The following KCNMB2 variants were observed in gnomAD, a reference collection of about 807,000 sequenced individuals.
KCNMB2 encodes the protein calcium-activated potassium channel subunit beta-2.
A neutral mutation model predicts 24.5 loss-of-function variants in KCNMB2; 9 were observed. That is an observed-to-expected ratio of 0.37 (90% CI 0.22 to 0.64). KCNMB2 has a LOEUF of 0.64. Among genes scored for constraint, KCNMB2 ranks in the 30% least tolerant of loss-of-function variants. KCNMB2 has a pLI of 0.63. For missense variants in KCNMB2, 226 were observed against 284.3 expected (o/e 0.79, Z 1.47); for synonymous variants, 109 against 104.4 (o/e 1.04, Z -0.27).
intron 1 of KCNMB2, among the ~76,000 whole-genome samples, chr3:178,595,963 G>A (rs1472117999): frequency 6.6e-6 from 1 of 151,972 alleles, no homozygotes; most frequent in Admixed American, 6.6e-5. Context: ...ACACCCTCAG[G>A]CAGGGGATCT....
chr3:178,599,711 C>T (rs761744732), intron 1 of KCNMB2, among the ~76,000 whole-genome samples: 9 of 152,048 alleles, frequency 5.9e-5, no homozygotes, highest in Non-Finnish European at 1.2e-4. Context: ...TTTCCAAAAC[C>T]TTTTCCTCTT....
chr3:178,807,338 T>C lies in KCNMB2; in HGVS notation c.-67-5T>C, dbSNP rs1714010596. ...GCTGTTAACTTCATTGTGTACCTCT[T>C]CTAGGTCTTTTTGCCATTCCTCCAG... On this transcript the variant is annotated splice_region_variant and splice_polypyrimidine_tract_variant and intron_variant, in intron 1 of 4. Coordinates refer to ENST00000452583, the MANE Select transcript of KCNMB2 (RefSeq NM_181361.3). The C allele has an allele frequency of 4.8e-6, 6 of 1,257,624 alleles. No individual in the cohort carries two copies. The Admixed American group carries it at 1.0e-4, about 22-fold the overall frequency. The allele number at this position is 1,257,624 out of a possible 1,614,324, so 77.9% of individuals were successfully genotyped here.
At chr3:178,669,410 G>C (rs1042681923) in intron 1 of KCNMB2, among the ~76,000 whole-genome samples, 1 of 152,112 alleles carries the variant, frequency 6.6e-6, no homozygotes, top group Non-Finnish European at 1.5e-5. Flanking sequence ...TGTAGACATT[G>C]CAAAGGTAAT....
chr3:178,780,775 G>C (rs371501413), intron 1 of KCNMB2, among the ~76,000 whole-genome samples: 1 of 152,184 alleles, frequency 6.6e-6, no homozygotes, highest in Admixed American at 6.5e-5. Context: ...AAATAGGATA[G>C]TAATAACACA....
Position 178,657,971 on chromosome 3 carries a change from C to A in KCNMB2, c.-68+121260C>A, listed in dbSNP as rs2108567710. Reference sequence around the variant, plus strand: ...TTAAATGAACCACCTCCCAACACTGCCACATTGGGAATCAAGTGTCAACAC... The same window carrying A: ...TTAAATGAACCACCTCCCAACACTGACACATTGGGAATCAAGTGTCAACAC... On this transcript the variant is annotated intron_variant, in intron 1 of 4. Transcript: ENST00000452583. 1.3e-5 allele frequency among the ~76,000 whole-genome samples: 2 copies of A among 152,328 alleles called. 1 individual carries two copies. Among genetic ancestry groups the A allele is most frequent in the South Asian group, 4.1e-4 (2 of 4,834 alleles).
intron 1 of KCNMB2, among the ~76,000 whole-genome samples, chr3:178,639,083 T>A (rs1011987708): frequency 1.3e-5 from 2 of 152,176 alleles, no homozygotes; most frequent in African/African-American, 4.8e-5. Context: ...AGATTTTTTT[T>A]AATTTCTATA....
rs1249953186 is a variant in KCNMB2 at position 178,715,404 on chromosome 3, G to A, written c.-67-91939G>A. Among the ~76,000 whole-genome samples, 7 of 150,422 alleles carry A rather than the reference G, an allele frequency of 4.7e-5. No individual in the cohort carries two copies. The East Asian group carries it at 1.4e-3, about 29-fold the overall frequency. On this transcript the variant is annotated intron_variant, in intron 1 of 4. Coordinates refer to ENST00000452583, the MANE Select transcript of KCNMB2 (RefSeq NM_181361.3). ...TTTGGTTTCAGAAAGTTGGTGGTTG[G>A]TTGAGGCAAATAGAGAAAGATTCCT... is the stretch of plus-strand genomic sequence containing the variant.
chr3:178,671,852 T>C (rs1029454979), intron 1 of KCNMB2, among the ~76,000 whole-genome samples: 7 of 152,160 alleles, frequency 4.6e-5, no homozygotes, highest in African/African-American at 1.7e-4. Flanking sequence ...AATGTAATCA[T>C]TGACAACATA....
intron 1 of KCNMB2, among the ~76,000 whole-genome samples, chr3:178,668,942 GCT>G (rs1426623244): frequency 6.6e-6 from 1 of 152,128 alleles, no homozygotes; most frequent in Non-Finnish European, 1.5e-5. Context: ...CAGTAATGAA[GCT>G]CTCATCTCTA....
At chr3:178,702,062 G>T (rs941931292) in intron 1 of KCNMB2, among the ~76,000 whole-genome samples, 7 of 152,004 alleles carry the variant, frequency 4.6e-5, no homozygotes, top group African/African-American at 1.7e-4. Context: ...ACTGGATTAA[G>T]AAAATGTGGC....
At chr3:178,659,126 C>T (rs975413026) in intron 1 of KCNMB2, among the ~76,000 whole-genome samples, 5 of 152,196 alleles carry the variant, frequency 3.3e-5, no homozygotes, top group African/African-American at 4.8e-5. Context: ...TTTCAAATAG[C>T]AAAGTCAGCT....
chr3:178,818,828 C>G (rs11716970), intron 2 of KCNMB2, among the ~76,000 whole-genome samples: 2 of 151,874 alleles, frequency 1.3e-5, no homozygotes, highest in Non-Finnish European at 2.9e-5. Flanking sequence ...TCTCTGGTGC[C>G]TGCCTATCTA....
intron 1 of KCNMB2, among the ~76,000 whole-genome samples, chr3:178,697,790 A>G (rs1426675441): frequency 6.6e-6 from 1 of 152,196 alleles, no homozygotes; most frequent in Non-Finnish European, 1.5e-5. Flanking sequence ...CTTATAAGGC[A>G]GGTCTTGTGG....
At chr3:178,731,672 G>A (rs1240299497) in intron 1 of KCNMB2, among the ~76,000 whole-genome samples, 1 of 152,216 alleles carries the variant, frequency 6.6e-6, no homozygotes, top group Non-Finnish European at 1.5e-5. Context: ...GGGAGGCCGA[G>A]GTGGGTGGAT....
chr3:178,564,065 G>T (rs978982615), intron 1 of KCNMB2, among the ~76,000 whole-genome samples: 46 of 151,938 alleles, frequency 3.0e-4, no homozygotes, highest in African/African-American at 1.1e-3. Context: ...GGATCACGAG[G>T]TCAGGAGTTC....
intron 1 of KCNMB2, among the ~76,000 whole-genome samples, chr3:178,799,688 T>C (rs1048402307): frequency 6.6e-6 from 1 of 152,076 alleles, no homozygotes; most frequent in Non-Finnish European, 1.5e-5. Flanking sequence ...CTACAATTTA[T>C]ATGGAAACAC....
chr3:178,777,376 G>C (rs1264238033), intron 1 of KCNMB2, among the ~76,000 whole-genome samples: 1 of 152,194 alleles, frequency 6.6e-6, no homozygotes, highest in Non-Finnish European at 1.5e-5. Flanking sequence ...AGAGGTTGCA[G>C]TGAGCTGAGA....
chr3:178,556,157 G>T (rs781639597), intron 1 of KCNMB2, among the ~76,000 whole-genome samples: 6 of 152,192 alleles, frequency 3.9e-5, no homozygotes, highest in Non-Finnish European at 5.9e-5. Context: ...GAAATCAGTA[G>T]AAGATGATAA....
At chr3:178,799,138 T>G (rs1483780919) in intron 1 of KCNMB2, among the ~76,000 whole-genome samples, 1 of 152,172 alleles carries the variant, frequency 6.6e-6, no homozygotes, top group East Asian at 1.9e-4. Flanking sequence ...GATGCCTACT[T>G]TCACCACTGT....
Sources: allele counts gnomAD v4.1 joint callset (sites outside exome capture counted in the v4.1 genomes callset), GRCh38; gene constraint gnomAD v4.1.1; transcripts MANE v1.5; gene names NCBI Gene and HGNC (gene_info 2026-07-23, HGNC 2026-07-21).